Variants in RIPK2 observed in about 807,000 individuals in gnomAD.
RIPK2 encodes receptor interacting serine/threonine kinase 2, also known as receptor-interacting serine/threonine-protein kinase 2.
A neutral mutation model predicts 60.9 loss-of-function variants in RIPK2; 38 were observed. The observed-to-expected ratio is 0.62, with a 90% CI of 0.48 to 0.82. The LOEUF is 0.82. Ranked by LOEUF, RIPK2 falls within the 40% of genes least tolerant of loss-of-function variation. The pLI is 0.00. For missense variants in RIPK2, 518 were observed against 647.0 expected (o/e 0.80, Z 2.16); for synonymous variants, 225 against 223.4 (o/e 1.01, Z -0.06).
intron 7 of RIPK2, among the ~76,000 whole-genome samples, chr8:89,783,808 C>T (rs1417112163): frequency 3.3e-5 from 5 of 152,096 alleles, no homozygotes; most frequent in Admixed American, 3.3e-4. Flanking sequence ...GAGGATGAAG[C>T]TCTGAGACAC....
At chr8:89,774,085 G>A (rs1420884208) in intron 6 of RIPK2, among the ~76,000 whole-genome samples, 1 of 151,152 alleles carries the variant, frequency 6.6e-6, no homozygotes, top group African/African-American at 2.4e-5. Context: ...AACATAGCAA[G>A]ACCTCATTTC....
intron 6 of RIPK2, among the ~76,000 whole-genome samples, chr8:89,778,149 A>G (rs1213113810): frequency 6.6e-6 from 1 of 152,186 alleles, no homozygotes; most frequent in Non-Finnish European, 1.5e-5. Flanking sequence ...AGGTTAACTG[A>G]ATTAAGGAAA....
At chr8:89,781,964 T>C (rs1216598738) in intron 7 of RIPK2, among the ~76,000 whole-genome samples, 1 of 152,146 alleles carries the variant, frequency 6.6e-6, no homozygotes, top group African/African-American at 2.4e-5. Flanking sequence ...TTGAACAGCC[T>C]AGGCAATGTG....
intron 8 of RIPK2, among the ~76,000 whole-genome samples, 161 bp from the exon 9 acceptor site, chr8:89,786,432 C>T (rs996472467): frequency 3.6e-4 from 54 of 151,826 alleles, no homozygotes; most frequent in African/African-American, 1.3e-3. Flanking sequence ...CTAGGTTGTG[C>T]CACTGCACTC....
At chr8:89,781,772 A>T (rs1425755143) in intron 7 of RIPK2, among the ~76,000 whole-genome samples, 4 of 152,192 alleles carry the variant, frequency 2.6e-5, no homozygotes, top group African/African-American at 9.7e-5. Context: ...TATCATACAT[A>T]CATACTTACT....
chr8:89,781,921 G>A (rs1461685702), intron 7 of RIPK2, among the ~76,000 whole-genome samples: 2 of 152,226 alleles, frequency 1.3e-5, no homozygotes, highest in African/African-American at 2.4e-5. Flanking sequence ...GCCATTAGTA[G>A]TAAGAGTTGA....
In RIPK2 at chr8:89,780,064, C is replaced by T. The variant is rs773177022; in HGVS notation, c.854-11C>T. Reference sequence around the variant, plus strand: ...ATCTGAACTCAACCTGTATTTTTTTCTCTTATGTAGAATGTTTAATAGAAC... The same window carrying T: ...ATCTGAACTCAACCTGTATTTTTTTTTCTTATGTAGAATGTTTAATAGAAC... On this transcript the variant is annotated splice_polypyrimidine_tract_variant and intron_variant, in intron 6 of 10. Transcript: ENST00000220751. 19 of 1,353,918 alleles carry T rather than the reference C, an allele frequency of 1.4e-5. No homozygotes were observed. Among genetic ancestry groups the T allele is most frequent in the South Asian group, 1.2e-4 (9 of 77,028 alleles). The allele number at this position is 1,353,918 out of a possible 1,614,324, so 83.9% of individuals were successfully genotyped here.
intron 6 of RIPK2, among the ~76,000 whole-genome samples, chr8:89,777,596 T>TGC (rs1475815043): frequency 1.3e-5 from 2 of 152,050 alleles, no homozygotes; most frequent in Non-Finnish European, 2.9e-5. Flanking sequence ...TGTGTGTGTG[T>TGC]GTTTAATTTA....
intron 9 of RIPK2, among the ~76,000 whole-genome samples, chr8:89,788,515 A>C (rs1809623454): frequency 6.6e-6 from 1 of 152,028 alleles, no homozygotes; most frequent in Non-Finnish European, 1.5e-5. Flanking sequence ...AGTGGCTCAC[A>C]CCTGTAATCC....
chr8:89,777,989 G>T (rs557937059), intron 6 of RIPK2, among the ~76,000 whole-genome samples: 1 of 152,166 alleles, frequency 6.6e-6, no homozygotes, highest in South Asian at 2.1e-4. Context: ...GGGATCTCTA[G>T]ATACCAGAGT....
chr8:89,781,161 C>T (rs1393872735), intron 7 of RIPK2, among the ~76,000 whole-genome samples: 1 of 151,794 alleles, frequency 6.6e-6, no homozygotes, highest in Non-Finnish European at 1.5e-5. Flanking sequence ...CACAAAATGA[C>T]ATTGCTTGCC....
chr8:89,786,507 G>T, intron 8 of RIPK2, 86 bp from the exon 9 acceptor site: 3 of 819,854 alleles, frequency 3.7e-6, no homozygotes, highest in East Asian at 2.6e-5. Context: ...ATCTTCATTT[G>T]TGATAAGCCA....
rs150938169 is a variant in RIPK2, at chr8:89,780,398, G to A, written c.939+238G>A. The A allele has an allele frequency of 7.0e-4, 176 of 252,348 alleles. 1 individual carries two copies. Among genetic ancestry groups the A allele is most frequent in the African/African-American group, 3.7e-3 (163 of 43,692 alleles). 15.6% of individuals were successfully genotyped at this position (252,348 alleles called of 1,614,324 possible). Reference sequence around the variant, plus strand: ...TTTAAAGACATTTCCAGGACCAGGCGTGGTGACTCACACCTGTAATCCCAG... The same window carrying A: ...TTTAAAGACATTTCCAGGACCAGGCATGGTGACTCACACCTGTAATCCCAG... On this transcript the variant is annotated intron_variant, in intron 7 of 10. Transcript: ENST00000220751.
At chr8:89,763,480 G>A (rs1372596999) in intron 2 of RIPK2, among the ~76,000 whole-genome samples, 1 of 151,928 alleles carries the variant, frequency 6.6e-6, no homozygotes, top group Non-Finnish European at 1.5e-5. Flanking sequence ...TTTTCCCAAG[G>A]TACCAGTCAC....
At chr8:89,780,563 A>C (rs1455202699) in intron 7 of RIPK2, 1 of 152,726 alleles carries the variant, frequency 6.5e-6, no homozygotes, top group African/African-American at 2.4e-5. Flanking sequence ...ATCAGACATA[A>C]ATTTAAAAAT....
rs866924387 is a variant in RIPK2, at chr8:89,784,140, G to A, written c.1029+1G>A. 8.4e-6 allele frequency: 4 copies of A among 476,328 alleles called. No individual in the cohort carries two copies. The highest frequency in any genetic ancestry group is 7.7e-5 in the South Asian group (2 of 25,888). 29.5% of individuals were successfully genotyped at this position (476,328 alleles called of 1,614,324 possible). A position where few individuals can be genotyped will look rare whatever the true frequency, so the allele number is the denominator to read the frequency against. On this transcript the variant is annotated splice_donor_variant, in intron 8 of 10. Transcript: ENST00000220751. LOFTEE classifies it high-confidence loss of function. ...ACCTGTAAATCATGGTCCACAAGAG[G>A]TAAAAAAAAAAAAAAAAAAAAAAAG... is the stretch of plus-strand genomic sequence containing the variant.
chr8:89,787,828 A>T (rs1563619724), intron 9 of RIPK2, among the ~76,000 whole-genome samples: 2 of 152,136 alleles, frequency 1.3e-5, no homozygotes, highest in African/African-American at 2.4e-5. Flanking sequence ...TGAGATGGGG[A>T]GATCAGTTAG....
intron 3 of RIPK2, among the ~76,000 whole-genome samples, chr8:89,767,583 C>G (rs778259926): frequency 6.6e-6 from 1 of 151,592 alleles, no homozygotes; most frequent in Non-Finnish European, 1.5e-5. Context: ...GTAGAAATAC[C>G]TTAATGGTCA....
At position 89,790,185 on chromosome 8, in the gene RIPK2, G is replaced by T. The variant is rs1003351773; in HGVS notation, c.1392G>T (p.Leu464=). 1.2e-6 allele frequency: 2 copies of T among 1,614,092 alleles called. No homozygotes were observed. The highest frequency in any genetic ancestry group is 1.6e-4 in the Middle Eastern group (1 of 6,062). ...ACLNQSLDAL[L]SRDLIMKEDY... ...TTAACCAGTCGCTAGATGCCCTTCTGTCCAGGGACTTGATCATGAAAGAGG... is the reference window on the plus strand; with the variant it reads ...TTAACCAGTCGCTAGATGCCCTTCTTTCCAGGGACTTGATCATGAAAGAGG... The change falls in exon 11 of 11, where the codon CTG becomes CTT. Residue 464 remains leucine (L), a synonymous_variant. Transcript: ENST00000220751.
Sources: allele counts gnomAD v4.1 joint callset (sites outside exome capture counted in the v4.1 genomes callset), GRCh38; gene constraint gnomAD v4.1.1; transcripts MANE v1.5; gene names NCBI Gene and HGNC (gene_info 2026-07-23, HGNC 2026-07-21).